Variants in GLIPR1L1 observed in about 807,000 individuals in gnomAD.
The protein encoded by GLIPR1L1 is GLIPR1-like protein 1.
In GLIPR1L1, 26 loss-of-function variants were observed where a neutral mutation model predicts 29.9. That is an observed-to-expected ratio of 0.87 (90% confidence interval 0.64 to 1.21). The LOEUF is 1.21. GLIPR1L1 is among the 50% of genes most tolerant of loss of function. GLIPR1L1 has a pLI of 0.00. For missense variants in GLIPR1L1, 305 were observed against 290.3 expected (o/e 1.05, Z -0.37); for synonymous variants, 77 against 97.5 (o/e 0.79, Z 1.24).
intron 3 of GLIPR1L1, among the ~76,000 whole-genome samples, chr12:75,359,589 A>C (rs1035429544): frequency 6.6e-6 from 1 of 151,674 alleles, no homozygotes; most frequent in Non-Finnish European, 1.5e-5. Flanking sequence ...AGTTATTAAA[A>C]CTGTAAAATA....
intron 3 of GLIPR1L1, among the ~76,000 whole-genome samples, chr12:75,348,919 C>T (rs1234176760): frequency 6.6e-6 from 1 of 152,144 alleles, no homozygotes. Context: ...CCCCCAGCTT[C>T]CTGTCTCAGT....
At chr12:75,353,010 A>G (rs1163682405) in intron 3 of GLIPR1L1, among the ~76,000 whole-genome samples, 8 of 152,136 alleles carry the variant, frequency 5.3e-5, no homozygotes, top group Admixed American at 5.2e-4. Flanking sequence ...TAAGAGGGAA[A>G]TTTATAGTGC....
chr12:75,337,322 AT>A (rs2041804279), intron 1 of GLIPR1L1, among the ~76,000 whole-genome samples: 2 of 151,846 alleles, frequency 1.3e-5, no homozygotes, highest in Non-Finnish European at 3.0e-5. Context: ...GTTTAAAACT[AT>A]ATATTAATAA....
chr12:75,357,199 A>C (rs2139522709), intron 3 of GLIPR1L1, among the ~76,000 whole-genome samples: 1 of 152,276 alleles, frequency 6.6e-6, no homozygotes, highest in Non-Finnish European at 1.5e-5. Flanking sequence ...CTAAATAAAT[A>C]AATAAATGCT....
intron 4 of GLIPR1L1, 70 bp from the exon 5 acceptor site, chr12:75,369,890 C>A: frequency 7.6e-7 from 1 of 1,322,788 alleles, no homozygotes; most frequent in Non-Finnish European, 9.9e-7. Flanking sequence ...TTCTAAAAGC[C>A]ATAAAAGCAA....
chr12:75,337,374 G>C (rs181696269), intron 1 of GLIPR1L1, among the ~76,000 whole-genome samples: 1 of 151,406 alleles, frequency 6.6e-6, no homozygotes, highest in African/African-American at 2.4e-5. Context: ...AATGAAGAAA[G>C]ACACAACTCA....
chr12:75,358,341 A>G (rs1565992394), intron 3 of GLIPR1L1, among the ~76,000 whole-genome samples: 1 of 151,958 alleles, frequency 6.6e-6, no homozygotes, highest in Non-Finnish European at 1.5e-5. Flanking sequence ...AAATTTAGCT[A>G]TTGAATCCAA....
intron 4 of GLIPR1L1, among the ~76,000 whole-genome samples, chr12:75,368,980 T>G (rs969281927): frequency 1.3e-5 from 2 of 151,994 alleles, no homozygotes; most frequent in African/African-American, 4.8e-5. Context: ...TATGTTTCAT[T>G]TATGTTCTAT....
chr12:75,356,441 GTTC>G (rs1254882288), intron 3 of GLIPR1L1, among the ~76,000 whole-genome samples: 1 of 152,148 alleles, frequency 6.6e-6, no homozygotes, highest in Non-Finnish European at 1.5e-5. Context: ...CCACCTTGAA[GTTC>G]TTCTAATCCA....
intron 1 of GLIPR1L1, among the ~76,000 whole-genome samples, chr12:75,341,426 T>C (rs2042097102): frequency 6.6e-6 from 1 of 152,154 alleles, no homozygotes; most frequent in Non-Finnish European, 1.5e-5. Context: ...TAGGATTCTA[T>C]TTATATAACA....
intron 3 of GLIPR1L1, among the ~76,000 whole-genome samples, chr12:75,349,378 A>G (rs960139805): frequency 2.0e-5 from 3 of 152,248 alleles, no homozygotes; most frequent in Non-Finnish European, 4.4e-5. Context: ...CAACAACAAC[A>G]GCAAAAAAAC....
chr12:75,344,014 T>A, intron 2 of GLIPR1L1, 76 bp downstream of exon 2: 2 of 1,231,150 alleles, frequency 1.6e-6, no homozygotes, highest in Non-Finnish European at 2.3e-6. Context: ...TCTCTGTATG[T>A]AAAGTGCCTT....
intron 3 of GLIPR1L1, among the ~76,000 whole-genome samples, chr12:75,349,961 G>A (rs567665657): frequency 6.6e-6 from 1 of 152,356 alleles, no homozygotes; most frequent in Non-Finnish European, 1.5e-5. Context: ...GGCCAGCGGG[G>A]CAGGCTGGAG....
intron 3 of GLIPR1L1, among the ~76,000 whole-genome samples, chr12:75,353,480 T>C (rs1010009608): frequency 4.6e-5 from 7 of 151,976 alleles, no homozygotes; most frequent in Non-Finnish European, 8.8e-5. Flanking sequence ...CAATAACAAG[T>C]TCTGAAATTG....
At chr12:75,349,288 T>A (rs534850017) in intron 3 of GLIPR1L1, among the ~76,000 whole-genome samples, 7 of 152,282 alleles carry the variant, frequency 4.6e-5, no homozygotes, top group South Asian at 2.1e-4. Context: ...CCCATGTAAT[T>A]TGACTGTATC....
intron 1 of GLIPR1L1, among the ~76,000 whole-genome samples, chr12:75,339,750 G>C (rs888076437): frequency 6.6e-6 from 1 of 152,008 alleles, no homozygotes; most frequent in African/African-American, 2.4e-5. Context: ...AATCCATCTT[G>C]AGCTAATTTT....
Position 75,343,766 on chromosome 12 carries a change from T to C in GLIPR1L1, c.248T>C (p.Leu83Ser). 6.2e-7 allele frequency: 1 copy of C among 1,613,144 alleles called. No homozygotes were observed. The highest frequency in any genetic ancestry group is 8.5e-7 in the Non-Finnish European group (1 of 1,179,270). The change falls in exon 2 of 6, where the codon TTG (leucine) becomes TCG (serine). Residue 83 changes from leucine to serine, a missense_variant. Coordinates refer to ENST00000378695, the MANE Select transcript of GLIPR1L1 (RefSeq NM_001304964.2). ...NQCKFEHNDC[L>S]DKSYKCYAAF... is the part of the protein sequence containing the mutation. ...TGCAAATTTGAACATAATGACTGTTTGGATAAATCATATAAATGCTATGCA... is the reference window on the plus strand; with the variant it reads ...TGCAAATTTGAACATAATGACTGTTCGGATAAATCATATAAATGCTATGCA...
At chr12:75,342,221 A>C (rs1164077424) in intron 1 of GLIPR1L1, among the ~76,000 whole-genome samples, 1 of 152,172 alleles carries the variant, frequency 6.6e-6, no homozygotes, top group Non-Finnish European at 1.5e-5. Flanking sequence ...TGATTACTTC[A>C]ATTTATACAT....
rs373732295 is a variant in GLIPR1L1, at chr12:75,334,963, T to C, written c.174+61T>C. Reference sequence around the variant, plus strand: ...GACTCATCCTGAGGTATCTGGGTGATAAATTTCACGGACTTAACTTGTACT... The same window carrying C: ...GACTCATCCTGAGGTATCTGGGTGACAAATTTCACGGACTTAACTTGTACT... On this transcript the variant is annotated intron_variant, in intron 1 of 5. Coordinates refer to ENST00000378695, the MANE Select transcript of GLIPR1L1 (RefSeq NM_001304964.2). The C allele has an allele frequency of 6.5e-5, 97 of 1,486,112 alleles. No homozygotes were observed. The African/African-American group carries it at 1.2e-3, about 18-fold the overall frequency. 92.1% of individuals were successfully genotyped at this position (1,486,112 alleles called of 1,614,324 possible).
Sources: allele counts gnomAD v4.1 joint callset (sites outside exome capture counted in the v4.1 genomes callset), GRCh38; gene constraint gnomAD v4.1.1; transcripts MANE v1.5; gene names NCBI Gene and HGNC (gene_info 2026-07-23, HGNC 2026-07-21).